The following TMEM45A variants were observed in gnomAD, a reference collection of about 807,000 sequenced individuals.
The protein encoded by TMEM45A is DNA polymerase-transactivated protein 4.
A neutral mutation model predicts 32.0 loss-of-function variants in TMEM45A; 25 were observed. The observed-to-expected ratio is 0.78, with a 90% CI of 0.57 to 1.09. The LOEUF (loss-of-function observed/expected upper bound fraction) is 1.09, where lower values mean the gene tolerates loss of function less well. TMEM45A is among the 50% of genes least tolerant of loss of function. The probability of loss-of-function intolerance (pLI) is 0.00; values close to 1 mark genes in which losing one functional copy is unlikely to be tolerated. For missense variants in TMEM45A, 302 were observed against 325.0 expected, an observed-to-expected ratio of 0.93 and a Z score of 0.54; for synonymous variants, 122 against 114.8, an observed-to-expected ratio of 1.06 and a Z score of -0.40.
chr3:100,537,080 G>A (rs759526131), intron 1 of TMEM45A, among the ~76,000 whole-genome samples: 1 of 152,066 alleles, frequency 6.6e-6, no homozygotes, highest in Non-Finnish European at 1.5e-5. Context: ...CCACAACCAT[G>A]CCTGGCTAAT....
chr3:100,550,872 G>A (rs184596088), intron 1 of TMEM45A, among the ~76,000 whole-genome samples: 156 of 152,318 alleles, frequency 1.0e-3, no homozygotes, highest in Middle Eastern at 3.4e-3. Flanking sequence ...CTGGTTTTCA[G>A]GCCAGAGGGT....
At chr3:100,569,020 C>T (rs1367837674) in intron 5 of TMEM45A, 53 bp downstream of exon 5, 2 of 1,545,862 alleles carry the variant, frequency 1.3e-6, no homozygotes, top group East Asian at 2.3e-5. Flanking sequence ...ATGTGATTAT[C>T]AAGACTCAGT....
chr3:100,526,340 T>A (rs1319736894), intron 1 of TMEM45A, among the ~76,000 whole-genome samples: 1 of 152,230 alleles, frequency 6.6e-6, no homozygotes, highest in Non-Finnish European at 1.5e-5. Flanking sequence ...TTCAGCCATC[T>A]TCCCATATTT....
At chr3:100,508,032 TG>T (rs1275317541) in intron 1 of TMEM45A, among the ~76,000 whole-genome samples, 3 of 150,882 alleles carry the variant, frequency 2.0e-5, no homozygotes, top group African/African-American at 7.3e-5. Flanking sequence ...CTCTCAGGCA[TG>T]GAAGGAGAGG....
At chr3:100,537,962 C>T (rs183710329) in intron 1 of TMEM45A, among the ~76,000 whole-genome samples, 2 of 152,286 alleles carry the variant, frequency 1.3e-5, no homozygotes, top group Non-Finnish European at 2.9e-5. Context: ...TAGAGTAATA[C>T]CGGGTTTGGG....
chr3:100,555,658 G>T (rs1706205525), intron 2 of TMEM45A, among the ~76,000 whole-genome samples: 1 of 152,080 alleles, frequency 6.6e-6, no homozygotes, highest in Non-Finnish European at 1.5e-5. Context: ...TCCTAAATTG[G>T]AGAAAGAGAT....
chr3:100,537,316 G>C (rs943603154), intron 1 of TMEM45A, among the ~76,000 whole-genome samples: 1 of 152,192 alleles, frequency 6.6e-6, no homozygotes, highest in Non-Finnish European at 1.5e-5. Context: ...AGGGAGCTGA[G>C]GGGTGGGGAG....
intron 1 of TMEM45A, among the ~76,000 whole-genome samples, chr3:100,493,462 G>A (rs1707877318): frequency 6.6e-6 from 1 of 151,938 alleles, no homozygotes. Flanking sequence ...GTAGTTGCAA[G>A]CCAAATATAT....
chr3:100,516,982 G>A (rs1003093279), intron 1 of TMEM45A, among the ~76,000 whole-genome samples: 2 of 152,096 alleles, frequency 1.3e-5, no homozygotes, highest in Admixed American at 6.6e-5. Context: ...CTCTGGGCCC[G>A]CATTTTATGG....
At position 100,492,733 on chromosome 3, in the gene TMEM45A, C is replaced by G. The variant is rs1341415693; in HGVS notation, c.-199C>G. The stretch of plus-strand genomic sequence containing the variant: ...TTTATTCGTTTTCCCAAAGAAGCGA[C>G]TAGGGACCCAAGTTTAAAAATTCCT... On this transcript the variant is annotated 5_prime_UTR_variant, in exon 1 of 6. Transcript: ENST00000323523. 2.0e-5 allele frequency: 3 copies of G among 151,470 alleles called. No individual in the cohort carries two copies. The highest frequency in any genetic ancestry group is 4.4e-5 in the Non-Finnish European group (3 of 67,988). The allele number at this position is 151,470 out of a possible 1,614,324, so 9.4% of individuals were successfully genotyped here. A position where few individuals can be genotyped will look rare whatever the true frequency, so the allele number is the denominator to read the frequency against.
At chr3:100,504,217 C>T (rs1708048570) in intron 1 of TMEM45A, among the ~76,000 whole-genome samples, 1 of 151,612 alleles carries the variant, frequency 6.6e-6, no homozygotes, top group Admixed American at 6.6e-5. Context: ...TCCCACCCCA[C>T]CCCCTGAGTC....
In TMEM45A at chr3:100,511,727, C is replaced by T. The variant is rs56141147; in HGVS notation, c.-4+18799C>T. ...CATCAGTGTGCTGTATTCAGGAAAC[C>T]CATCTCATGTGCAGAGACACACATA... On this transcript the variant is annotated intron_variant, in intron 1 of 5. Coordinates refer to ENST00000323523, the MANE Select transcript of TMEM45A (RefSeq NM_018004.3). Among the ~76,000 whole-genome samples, 1,096 of 151,492 alleles carry T rather than the reference C, an allele frequency of 7.2e-3. 4 individuals carry two copies. Among genetic ancestry groups the T allele is most frequent in the Non-Finnish European group, 0.01 (705 of 67,718 alleles).
chr3:100,546,169 A>G (rs891938341), intron 1 of TMEM45A, among the ~76,000 whole-genome samples: 2 of 152,212 alleles, frequency 1.3e-5, no homozygotes, highest in Non-Finnish European at 2.9e-5. Flanking sequence ...ATTCTCCCTT[A>G]CAGCCTCTTC....
intron 1 of TMEM45A, among the ~76,000 whole-genome samples, chr3:100,551,849 G>A (rs1706110688): frequency 6.6e-6 from 1 of 152,190 alleles, no homozygotes; most frequent in Admixed American, 6.5e-5. Context: ...AACTGAAGTA[G>A]GAAGGAGGAC....
intron 4 of TMEM45A, among the ~76,000 whole-genome samples, chr3:100,565,163 C>T (rs7429915): frequency 0.51 from 78,231 of 151,964 alleles, 22,070 homozygotes; most frequent in African/African-American, 0.76. Flanking sequence ...TCTTTTCCTA[C>T]GACATACGAG....
chr3:100,497,796 C>G (rs1470320405), intron 1 of TMEM45A, among the ~76,000 whole-genome samples: 1 of 152,022 alleles, frequency 6.6e-6, no homozygotes, highest in African/African-American at 2.4e-5. Flanking sequence ...TTTTGTTTTT[C>G]CATTCATTCA....
rs112639350 is a variant in TMEM45A at position 100,549,669 on chromosome 3, G to A, written c.-3-5540G>A. Among the ~76,000 whole-genome samples, 3 of 152,328 alleles carry A rather than the reference G, an allele frequency of 2.0e-5. 1 individual carries two copies. The highest frequency in any genetic ancestry group is 4.8e-5 in the African/African-American group (2 of 41,588). Reference sequence around the variant, plus strand: ...TTGGTTTAATCTCAAAGGAGGAAGAGTGGGCAGTTTTAGATTTAGGGCCAC... The same window carrying A: ...TTGGTTTAATCTCAAAGGAGGAAGAATGGGCAGTTTTAGATTTAGGGCCAC... On this transcript the variant is annotated intron_variant, in intron 1 of 5. Coordinates refer to ENST00000323523, the MANE Select transcript of TMEM45A (RefSeq NM_018004.3).
At chr3:100,493,945 T>A (rs1432627558) in intron 1 of TMEM45A, among the ~76,000 whole-genome samples, 1 of 152,202 alleles carries the variant, frequency 6.6e-6, no homozygotes, top group Non-Finnish European at 1.5e-5. Flanking sequence ...TTGGCCAGGC[T>A]GGTCTTGAAC....
At chr3:100,526,998 A>T (rs972687921) in intron 1 of TMEM45A, among the ~76,000 whole-genome samples, 1 of 152,216 alleles carries the variant, frequency 6.6e-6, no homozygotes, top group African/African-American at 2.4e-5. Context: ...TCCGTATTTT[A>T]AAATAGGTAT....
Sources: gnomAD v4.1 joint callset for allele counts (sites outside exome capture counted in the v4.1 genomes callset) on GRCh38, gnomAD v4.1.1 for gene constraint, MANE v1.5 for transcripts, NCBI Gene and HGNC (gene_info 2026-07-23, HGNC 2026-07-21) for gene names.